Variants in RBFOX3 observed in about 807,000 individuals in gnomAD.
RBFOX3 encodes the protein RNA binding fox-1 homolog 3.
In RBFOX3, 17 loss-of-function variants were observed where a neutral mutation model predicts 48.7. The observed-to-expected ratio is 0.35, with a 90% confidence interval of 0.24 to 0.52. RBFOX3 has a LOEUF of 0.52. RBFOX3 is among the 20% of genes least tolerant of loss of function. The pLI is 0.94. For synonymous variants in RBFOX3, 212 were observed against 209.5 expected, an observed-to-expected ratio of 1.01 and a Z score of -0.10; for missense variants, 382 against 497.5, an observed-to-expected ratio of 0.77 and a Z score of 2.21.
chr17:79,562,418 G>A (rs1404800554), intron 1 of RBFOX3, among the ~76,000 whole-genome samples: 2 of 152,136 alleles, frequency 1.3e-5, no homozygotes, highest in Non-Finnish European at 2.9e-5. Context: ...GTTGGGTTTC[G>A]CTGGATGCTA....
chr17:79,590,744 C>T (rs1057360995), intron 1 of RBFOX3, among the ~76,000 whole-genome samples: 1 of 152,190 alleles, frequency 6.6e-6, no homozygotes. Context: ...GCTGCGTGTC[C>T]ACCTCCTGGC....
At chr17:79,467,950 A>G (rs921341922) in intron 2 of RBFOX3, among the ~76,000 whole-genome samples, 30 of 152,018 alleles carry the variant, frequency 2.0e-4, no homozygotes, top group African/African-American at 6.5e-4. Flanking sequence ...AAGGTGCCAC[A>G]GGTATGAGAA....
chr17:79,188,046 G>A (rs2053770121), intron 4 of RBFOX3, among the ~76,000 whole-genome samples: 1 of 152,238 alleles, frequency 6.6e-6, no homozygotes, highest in East Asian at 1.9e-4. Flanking sequence ...CTCCCCAGAA[G>A]GGCAGAAAAG....
intron 4 of RBFOX3, among the ~76,000 whole-genome samples, chr17:79,210,586 A>G (rs371258054): frequency 3.3e-5 from 5 of 152,198 alleles, no homozygotes; most frequent in East Asian, 1.9e-4. Context: ...AGCTTTTTTC[A>G]TCTTTTGAAT....
At chr17:79,453,572 C>A (rs1213611351) in intron 2 of RBFOX3, among the ~76,000 whole-genome samples, 1 of 152,192 alleles carries the variant, frequency 6.6e-6, no homozygotes, top group Admixed American at 6.5e-5. Flanking sequence ...CACAGCCCCA[C>A]AGGGGTTATG....
chr17:79,614,089 G>A (rs1002960026), upstream of RBFOX3, among the ~76,000 whole-genome samples: 99 of 152,342 alleles, frequency 6.5e-4, no homozygotes, highest in South Asian at 1.9e-3. Flanking sequence ...GTGGCGGCCC[G>A]CCCTCACGGA....
At chr17:79,398,407 G>A (rs62064001) in intron 2 of RBFOX3, among the ~76,000 whole-genome samples, 1 of 152,114 alleles carries the variant, frequency 6.6e-6, no homozygotes, top group Non-Finnish European at 1.5e-5. Flanking sequence ...GAACTGGCGA[G>A]GCCTGGCAGG....
chr17:79,589,179 T>C (rs1460227693), intron 1 of RBFOX3, among the ~76,000 whole-genome samples: 1 of 152,216 alleles, frequency 6.6e-6, no homozygotes, highest in Non-Finnish European at 1.5e-5. Context: ...GACTGCACAC[T>C]GGCGGCCACA....
rs2058470824 is a variant in RBFOX3 at position 79,212,217 on chromosome 17, T to C, written c.-34+23549A>G. On this transcript the variant is annotated intron_variant, in intron 4 of 14. Coordinates refer to ENST00000693108, the MANE Select transcript of RBFOX3 (RefSeq NM_001350451.2). The surrounding 1 kb of genome is among the most constrained non-coding windows in gnomAD (Gnocchi z 4.7). ...CTCTTCTCCAGGAAAACCTTCAAAC[T>C]CTAGACACCCTTGGCCACCCGCTGC... Among the ~76,000 whole-genome samples, 1 of 152,078 alleles carries C rather than the reference T, an allele frequency of 6.6e-6. No homozygotes were observed. The highest frequency in any genetic ancestry group is 2.4e-5 in the African/African-American group (1 of 41,414).
intron 2 of RBFOX3, among the ~76,000 whole-genome samples, chr17:79,334,710 C>T (rs1346122419): frequency 6.6e-6 from 1 of 152,242 alleles, no homozygotes; most frequent in African/African-American, 2.4e-5. Context: ...AGGACCATCA[C>T]ACTCCAGCTC....
intron 1 of RBFOX3, among the ~76,000 whole-genome samples, chr17:79,566,633 C>T (rs2092464561): frequency 6.6e-6 from 1 of 152,222 alleles, no homozygotes; most frequent in Non-Finnish European, 1.5e-5. Flanking sequence ...GTGCTGGGTC[C>T]CCAACAACCC....
chr17:79,543,227 C>T (rs568604129), intron 1 of RBFOX3, among the ~76,000 whole-genome samples: 3 of 152,274 alleles, frequency 2.0e-5, no homozygotes, highest in East Asian at 1.9e-4. Context: ...ACCTCCTCCA[C>T]GCCTTACTGA....
chr17:79,628,425 T>G, the RBFOX3 span, among the ~76,000 whole-genome samples: 1 of 152,142 alleles, frequency 6.6e-6, no homozygotes, highest in Admixed American at 6.5e-5. Flanking sequence ...GATGGGTGCA[T>G]AGATGCAATC....
At chr17:79,476,848 G>A (rs1173756201) in intron 2 of RBFOX3, among the ~76,000 whole-genome samples, 2 of 151,736 alleles carry the variant, frequency 1.3e-5, no homozygotes, top group African/African-American at 4.8e-5. Flanking sequence ...GACAGAGAAG[G>A]AGGAAGAGGA....
intron 3 of RBFOX3, among the ~76,000 whole-genome samples, chr17:79,280,360 C>T (rs1047363649): frequency 2.0e-5 from 3 of 152,314 alleles, no homozygotes; most frequent in Admixed American, 6.5e-5. Flanking sequence ...AAAGAAAACA[C>T]GTGAGTCCTA....
intron 4 of RBFOX3, among the ~76,000 whole-genome samples, chr17:79,233,376 T>G (rs2061256068): frequency 6.6e-6 from 1 of 152,132 alleles, no homozygotes; most frequent in Admixed American, 6.5e-5. Context: ...GAGGAAGAGA[T>G]TACAAAGAGG....
At chr17:79,156,894 C>T (rs922274300) in intron 4 of RBFOX3, among the ~76,000 whole-genome samples, 2 of 152,186 alleles carry the variant, frequency 1.3e-5, no homozygotes, top group Non-Finnish European at 2.9e-5. Context: ...CTGGCAGGCG[C>T]GGGGACTCTG....
In RBFOX3 at chr17:79,599,416, A is replaced by G. The variant is rs1196165942; in HGVS notation, c.-320+11410T>C. The G allele has an allele frequency of 2.6e-5, 4 of 152,394 alleles. No homozygotes were observed. In the South Asian group the frequency reaches 8.3e-4, roughly 32 times the overall value. 9.4% of individuals were successfully genotyped at this position (152,394 alleles called of 1,614,324 possible). On this transcript the variant is annotated intron_variant, in intron 1 of 14. Transcript: ENST00000693108. ...CAGCAGGTGTTCTGTGCCAAAGGTC[A>G]TCCTCGCGTGTGCCGATGGGGTGTA... is the stretch of plus-strand genomic sequence containing the variant.
chr17:79,442,216 A>G (rs1415048275), intron 2 of RBFOX3, among the ~76,000 whole-genome samples: 1 of 874 alleles, frequency 1.1e-3, no homozygotes, highest in Non-Finnish European at 2.3e-3. Context: ...AGGGAGGGGG[A>G]GAGAGAGAGA....
Sources: allele counts gnomAD v4.1 joint callset (sites outside exome capture counted in the v4.1 genomes callset), GRCh38; gene constraint gnomAD v4.1.1; non-coding constraint Gnocchi (gnomAD v3.1); transcripts MANE v1.5; gene names NCBI Gene and HGNC (gene_info 2026-07-23, HGNC 2026-07-21).